The following SHROOM3 variants were observed in gnomAD, a reference collection of about 807,000 sequenced individuals.
SHROOM3 encodes the protein protein Shroom3.
In SHROOM3, 47 loss-of-function variants were observed where a neutral mutation model predicts 138.6. That is an observed-to-expected ratio of 0.34 (90% CI 0.27 to 0.43). The LOEUF (loss-of-function observed/expected upper bound fraction) is 0.43. Ranked by LOEUF, SHROOM3 falls within the 20% of genes least tolerant of loss-of-function variation. SHROOM3 has a pLI of 1.00. For missense variants in SHROOM3, 2,491 were observed against 2,596.5 expected (o/e 0.96, Z 0.88); for synonymous variants, 1,062 against 1,063.3 (o/e 1.00, Z 0.02).
chr4:76,481,867 C>T (rs573871128), intron 1 of SHROOM3, among the ~76,000 whole-genome samples: 43 of 152,256 alleles, frequency 2.8e-4, no homozygotes, highest in African/African-American at 7.7e-4. Flanking sequence ...AATCAATAAA[C>T]GTAGTCCATC....
In SHROOM3 at chr4:76,739,468, T is replaced by A; in HGVS notation, c.1295T>A (p.Leu432Gln). The A allele has an allele frequency of 6.2e-7, 1 of 1,614,212 alleles. No homozygotes were observed. Among genetic ancestry groups the A allele is most frequent in the Middle Eastern group, 1.6e-4 (1 of 6,062 alleles). Residue 432 changes from leucine (L) to glutamine (Q), a missense_variant, in exon 5 of 11, where the codon CTG becomes CAG. Physicochemically the swap from Leu to Gln is moderately radical, Grantham distance 113. This residue lies in a region of SHROOM3 where 1,733 missense variants were observed against 1,661.6 expected (regional missense o/e 1.04). Coordinates refer to ENST00000296043, the MANE Select transcript of SHROOM3 (RefSeq NM_020859.4). The part of the protein sequence containing the change: ...SLKSPFIEEQ[L>Q]HTVLEKSPEN... ...AAGTCTCCATTCATAGAGGAGCAGC[T>A]GCATACTGTGCTGGAGAAGAGTCCA...
chr4:76,526,253 G>A (rs1732686795), intron 1 of SHROOM3, among the ~76,000 whole-genome samples: 1 of 152,172 alleles, frequency 6.6e-6, no homozygotes, highest in African/African-American at 2.4e-5. Context: ...TGTAATCCCA[G>A]CTACTCGGGA....
rs1308035081 is a variant in SHROOM3, at chr4:76,739,461, G to A, written c.1288G>A (p.Glu430Lys). 2 of 1,614,190 alleles carry A rather than the reference G, an allele frequency of 1.2e-6. No homozygotes were observed. The highest frequency in any genetic ancestry group is 1.7e-5 in the Admixed American group (1 of 60,026). The change falls in exon 5 of 11, where the codon GAG (glutamate) becomes AAG (lysine). Residue 430 changes from glutamate to lysine, a missense_variant. Glu to Lys is a moderately conservative substitution (Grantham distance 56). Coordinates refer to ENST00000296043, the MANE Select transcript of SHROOM3 (RefSeq NM_020859.4). ...LGSLKSPFIE[E>K]QLHTVLEKSP... Reference sequence around the variant, plus strand: ...CTCCCTGAAGTCTCCATTCATAGAGGAGCAGCTGCATACTGTGCTGGAGAA... The same window carrying A: ...CTCCCTGAAGTCTCCATTCATAGAGAAGCAGCTGCATACTGTGCTGGAGAA...
intron 2 of SHROOM3, among the ~76,000 whole-genome samples, chr4:76,678,786 G>A (rs6855455): frequency 0.013 from 2,047 of 152,044 alleles, 37 homozygotes; most frequent in African/African-American, 0.047. Context: ...TCAGCCTCCC[G>A]AGTAGCTGGG....
At chr4:76,604,541 G>A (rs1449294548) in intron 2 of SHROOM3, among the ~76,000 whole-genome samples, 1 of 152,150 alleles carries the variant, frequency 6.6e-6, no homozygotes, top group Admixed American at 6.5e-5. Flanking sequence ...GTGAACAAAG[G>A]CACTTGATCA....
chr4:76,579,551 G>A (rs753966280), intron 2 of SHROOM3, among the ~76,000 whole-genome samples: 35 of 152,226 alleles, frequency 2.3e-4, no homozygotes, highest in Admixed American at 5.9e-4. Context: ...TTAAAAATCT[G>A]GAAGTTTTGC....
At chr4:76,645,490 T>C (rs1029440662) in intron 2 of SHROOM3, 3 of 152,264 alleles carry the variant, frequency 2.0e-5, no homozygotes, top group African/African-American at 7.2e-5. Flanking sequence ...AAAGGTTGTA[T>C]CTACCCCACC....
rs747974205 is a variant in SHROOM3 at position 76,667,966 on chromosome 4, CAAAAAAAAA to C, written c.324-42172_324-42164del. The stretch of plus-strand genomic sequence containing the variant: ...TGGGCGACAGAAGGAGACTCCCTCT[CAAAAAAAAA>C]AAAAAAAAAAAAAAAAAGTTGTTCT... On this transcript the variant is annotated intron_variant, in intron 2 of 10. Transcript: ENST00000296043. Among the ~76,000 whole-genome samples, 186 of 62,556 alleles carry C rather than the reference CAAAAAAAAA, an allele frequency of 3.0e-3. 3 individuals are homozygous for C. Among genetic ancestry groups the C allele is most frequent in the Non-Finnish European group, 3.9e-3 (135 of 34,256 alleles). The allele number at this position is 62,556 out of a possible 152,430, so 41.0% of individuals were successfully genotyped here.
chr4:76,707,803 T>C lies in SHROOM3; in HGVS notation c.324-2353T>C, dbSNP rs969848264. ...TTTTTTTTCTTTTTTTTTAATATAATGAATTTTTAAAATGTGTGTTTGTTG... is the reference window on the plus strand; with the variant it reads ...TTTTTTTTCTTTTTTTTTAATATAACGAATTTTTAAAATGTGTGTTTGTTG... On this transcript the variant is annotated intron_variant, in intron 2 of 10. Transcript: ENST00000296043. Among the ~76,000 whole-genome samples, 7 of 152,138 alleles carry C rather than the reference T, an allele frequency of 4.6e-5. 1 individual carries two copies. The highest frequency in any genetic ancestry group is 4.6e-4 in the Admixed American group (7 of 15,278).
At chr4:76,442,318 C>T (rs1489472282) in intron 1 of SHROOM3, among the ~76,000 whole-genome samples, 5 of 151,264 alleles carry the variant, frequency 3.3e-5, no homozygotes, top group Non-Finnish European at 5.9e-5. Flanking sequence ...TCAGTCTTAG[C>T]AAATTGAGAG....
chr4:76,764,478 C>T lies in SHROOM3; in HGVS notation c.5349+4783C>T, dbSNP rs570609454. Among the ~76,000 whole-genome samples the T allele has an allele frequency of 4.7e-4, 72 of 152,366 alleles. 1 individual carries two copies. In the Middle Eastern group the frequency reaches 0.01, roughly 22 times the overall value. On this transcript the variant is annotated intron_variant, in intron 9 of 10. Transcript: ENST00000296043. ...CCATTCCCGCTGCTCTTCCTTCATT[C>T]CTGAAGTTCCAGCTCTCCCTCTGGT...
chr4:76,605,978 T>TACATATACATATATATACACATATAC (rs1734607200), intron 2 of SHROOM3, among the ~76,000 whole-genome samples: 1 of 102,298 alleles, frequency 9.8e-6, no homozygotes, highest in African/African-American at 4.1e-5. Context: ...TATACACATA[T>TACATATACATATATATACACATATAC]ACACACACAC....
chr4:76,468,813 A>G (rs1280543320), intron 1 of SHROOM3, among the ~76,000 whole-genome samples: 2 of 151,874 alleles, frequency 1.3e-5, no homozygotes, highest in Non-Finnish European at 2.9e-5. Context: ...GTGGATCACC[A>G]GAGGTCAGGA....
intron 2 of SHROOM3, among the ~76,000 whole-genome samples, chr4:76,611,675 TGAAGCTAGGCA>T (rs1354634135): frequency 6.6e-6 from 1 of 152,188 alleles, no homozygotes; most frequent in Non-Finnish European, 1.5e-5. Context: ...CCTTGGGTAA[TGAAGCTAGGCA>T]GAGGAAAGTT....
chr4:76,559,455 T>C (rs746589464), intron 2 of SHROOM3: 5 of 152,172 alleles, frequency 3.3e-5, no homozygotes, highest in Non-Finnish European at 5.9e-5. Flanking sequence ...ACATTTCATT[T>C]ATTAACTTTC....
chr4:76,660,463 T>A (rs1029002652), intron 2 of SHROOM3, among the ~76,000 whole-genome samples: 2 of 152,116 alleles, frequency 1.3e-5, no homozygotes, highest in Admixed American at 1.3e-4. Flanking sequence ...GGTTGCATTA[T>A]TTTTTATATT....
chr4:76,463,896 A>T (rs976820068), intron 1 of SHROOM3, among the ~76,000 whole-genome samples: 1 of 152,232 alleles, frequency 6.6e-6, no homozygotes, highest in Admixed American at 6.5e-5. Flanking sequence ...CAGAGTGTGT[A>T]TGGAAATTCC....
At position 76,647,936 on chromosome 4, in the gene SHROOM3, A is replaced by G. The variant is rs1157327821; in HGVS notation, c.324-62220A>G. ...TAATACAGAAAAAAACTATGGACCT[A>G]GATATTTTATTTTATGTATCGTAGT... On this transcript the variant is annotated intron_variant, in intron 2 of 10. Coordinates refer to ENST00000296043, the MANE Select transcript of SHROOM3 (RefSeq NM_020859.4). Among the ~76,000 whole-genome samples, 5 of 152,120 alleles carry G rather than the reference A, an allele frequency of 3.3e-5. 1 individual carries two copies. Among genetic ancestry groups the G allele is most frequent in the Admixed American group, 3.3e-4 (5 of 15,258 alleles).
At chr4:76,644,225 A>G (rs1177125800) in intron 2 of SHROOM3, 1 of 149,420 alleles carries the variant, frequency 6.7e-6, no homozygotes, top group Non-Finnish European at 1.5e-5. Context: ...AAAGGTGATC[A>G]TACTGTTTTG....
Sources: gnomAD v4.1 joint callset for allele counts (sites outside exome capture counted in the v4.1 genomes callset) on GRCh38, gnomAD v4.1.1 for gene constraint, gnomAD v4.1.1 regional missense constraint, MANE v1.5 for transcripts, NCBI Gene and HGNC (gene_info 2026-07-23, HGNC 2026-07-21) for gene names.